Variants in ANKFN1 observed in about 807,000 individuals in gnomAD.
ANKFN1 encodes ankyrin repeat and fibronectin type III domain containing 1, also known as ankyrin repeat and fibronectin type-III domain-containing protein 1.
In ANKFN1, 74 loss-of-function variants were observed where a neutral mutation model predicts 108.7. The observed-to-expected ratio is 0.68, with a 90% CI of 0.56 to 0.83. The LOEUF (loss-of-function observed/expected upper bound fraction) is 0.83. Among genes scored for constraint, ANKFN1 ranks in the 40% least tolerant of loss-of-function variants. ANKFN1 has a pLI of 0.00. For missense variants in ANKFN1, 1,505 were observed against 1,382.3 expected (o/e 1.09, Z -1.41); for synonymous variants, 547 against 516.2 (o/e 1.06, Z -0.81).
chr17:56,056,473 G>A (rs923072118), intron 4 of ANKFN1, among the ~76,000 whole-genome samples: 3 of 150,478 alleles, frequency 2.0e-5, no homozygotes, highest in African/African-American at 7.3e-5. Context: ...TATAAAAATA[G>A]ACACATAGAT....
At chr17:56,175,227 G>C (rs368520864) in intron 1 of ANKFN1, among the ~76,000 whole-genome samples, 1 of 152,136 alleles carries the variant, frequency 6.6e-6, no homozygotes, top group East Asian at 1.9e-4. Flanking sequence ...GTCTGGAAAA[G>C]GTTACTTATA....
intron 3 of ANKFN1, among the ~76,000 whole-genome samples, chr17:56,305,543 C>T (rs1227045936): frequency 6.6e-6 from 1 of 152,164 alleles, no homozygotes; most frequent in Non-Finnish European, 1.5e-5. Context: ...ATTCTAGACA[C>T]TTGTTCTTTG....
At chr17:56,139,008 A>G (rs1347397386) in intron 4 of ANKFN1, among the ~76,000 whole-genome samples, 1 of 152,224 alleles carries the variant, frequency 6.6e-6, no homozygotes, top group African/African-American at 2.4e-5. Context: ...CAACCTTATT[A>G]TTAATCTATC....
intron 4 of ANKFN1, among the ~76,000 whole-genome samples, chr17:56,057,125 T>C (rs1904893864): frequency 6.6e-6 from 1 of 152,208 alleles, no homozygotes; most frequent in Non-Finnish European, 1.5e-5. Flanking sequence ...CTACTCAAGA[T>C]TTATCATGAG....
intron 1 of ANKFN1, among the ~76,000 whole-genome samples, chr17:56,177,020 C>G (rs972640567): frequency 6.6e-6 from 1 of 152,200 alleles, no homozygotes; most frequent in African/African-American, 2.4e-5. Flanking sequence ...GTTGGAGTTT[C>G]CAGGAACTCA....
At chr17:56,427,599 G>T (rs2048610096) in intron 8 of ANKFN1, among the ~76,000 whole-genome samples, 3 of 151,902 alleles carry the variant, frequency 2.0e-5, no homozygotes, top group Non-Finnish European at 2.9e-5. Context: ...CAGTATTAGA[G>T]ACAACTCTGG....
intron 8 of ANKFN1, among the ~76,000 whole-genome samples, chr17:56,412,959 T>A (rs990719969): frequency 1.3e-5 from 2 of 152,238 alleles, no homozygotes; most frequent in Non-Finnish European, 2.9e-5. Context: ...CTTATCTTTT[T>A]TAAAAGAAAA....
intron 6 of ANKFN1, among the ~76,000 whole-genome samples, chr17:56,362,259 A>G (rs960728613): frequency 2.0e-5 from 3 of 152,238 alleles, no homozygotes; most frequent in Non-Finnish European, 4.4e-5. Context: ...TATTTTACCC[A>G]TTAGTTATAT....
At chr17:56,112,199 G>A (rs943030585) in intron 4 of ANKFN1, among the ~76,000 whole-genome samples, 5 of 152,166 alleles carry the variant, frequency 3.3e-5, no homozygotes, top group Non-Finnish European at 5.9e-5. Context: ...GTTATGCATT[G>A]TATAATTCCA....
intron 4 of ANKFN1, among the ~76,000 whole-genome samples, chr17:56,142,214 C>T (rs1907966514): frequency 6.6e-6 from 1 of 152,122 alleles, no homozygotes; most frequent in South Asian, 2.1e-4. Context: ...CAGGCATGAG[C>T]CACCGCACCT....
At chr17:56,277,571 A>G (rs2043966820) in intron 3 of ANKFN1, among the ~76,000 whole-genome samples, 1 of 152,156 alleles carries the variant, frequency 6.6e-6, no homozygotes, top group Non-Finnish European at 1.5e-5. Flanking sequence ...TTGTGTTCCC[A>G]TTACAGAGGA....
intron 11 of ANKFN1, among the ~76,000 whole-genome samples, chr17:56,452,786 A>G (rs2049536521): frequency 1.3e-5 from 2 of 152,050 alleles, no homozygotes; most frequent in Admixed American, 1.3e-4. Flanking sequence ...TTTTTAGTTT[A>G]ATCTTCATTT....
intron 3 of ANKFN1, among the ~76,000 whole-genome samples, chr17:56,301,786 G>T (rs753215852): frequency 6.6e-6 from 1 of 152,192 alleles, no homozygotes; most frequent in Non-Finnish European, 1.5e-5. Flanking sequence ...CCGAACCAGG[G>T]TACTGAGACT....
rs2051827754 is a variant in ANKFN1 at position 56,513,301 on chromosome 17, C to G, written c.*2032C>G. On this transcript the variant is annotated 3_prime_UTR_variant, in exon 21 of 21. Transcript: ENST00000682825. ...TTTACCTAACAAGTTTCCAATATTA[C>G]AGAGCTGCTTGTTGCCAAGGAATAC... 1.3e-5 allele frequency among the ~76,000 whole-genome samples: 2 copies of G among 152,192 alleles called. No individual in the cohort carries two copies. Among genetic ancestry groups the G allele is most frequent in the African/African-American group, 4.8e-5 (2 of 41,450 alleles).
chr17:56,056,277 T>C (rs978281443), intron 4 of ANKFN1, among the ~76,000 whole-genome samples: 3 of 151,950 alleles, frequency 2.0e-5, no homozygotes, highest in African/African-American at 7.3e-5. Context: ...ACACAATCTT[T>C]GTCAAATTAC....
chr17:56,245,119 C>G (rs969591543), intron 3 of ANKFN1, among the ~76,000 whole-genome samples: 5 of 152,002 alleles, frequency 3.3e-5, no homozygotes, highest in Non-Finnish European at 7.4e-5. Flanking sequence ...CTGTAATAGA[C>G]AAATTTAACT....
At chr17:56,064,510 C>T (rs8079200) in intron 4 of ANKFN1, among the ~76,000 whole-genome samples, 100,431 of 152,124 alleles carry the variant, frequency 0.66, 34,482 homozygotes, top group Non-Finnish European at 0.78. Context: ...GCACTCTGGC[C>T]GCAGTCTGCC....
chr17:56,114,041 T>C (rs1457169664), intron 4 of ANKFN1, among the ~76,000 whole-genome samples: 1 of 152,144 alleles, frequency 6.6e-6, no homozygotes, highest in Non-Finnish European at 1.5e-5. Flanking sequence ...GAGAAGTGAC[T>C]TTACCTAAGA....
At chr17:56,286,460 A>G (rs2044219206) in intron 3 of ANKFN1, among the ~76,000 whole-genome samples, 1 of 152,174 alleles carries the variant, frequency 6.6e-6, no homozygotes, top group South Asian at 2.1e-4. Flanking sequence ...AAGATATCAA[A>G]TATCTGGAAT....
Sources: gnomAD v4.1 joint callset for allele counts (sites outside exome capture counted in the v4.1 genomes callset) on GRCh38, gnomAD v4.1.1 for gene constraint, MANE v1.5 for transcripts, NCBI Gene and HGNC (gene_info 2026-07-23, HGNC 2026-07-21) for gene names.